Variants in ASCC3 observed in about 807,000 individuals in gnomAD.
The protein encoded by ASCC3 is activating signal cointegrator 1 complex subunit 3, also known as ASC-1 complex subunit P200.
In ASCC3, 158 loss-of-function variants were observed where a neutral mutation model predicts 256.3. That is an observed-to-expected ratio of 0.62 (90% CI 0.54 to 0.70). The LOEUF is 0.70. Among genes scored for constraint, ASCC3 ranks in the 30% least tolerant of loss-of-function variants. ASCC3 has a pLI of 0.00. For missense variants in ASCC3, 2,259 were observed against 2,626.0 expected, an observed-to-expected ratio of 0.86 and a Z score of 3.05; for synonymous variants, 948 against 883.4, an observed-to-expected ratio of 1.07 and a Z score of -1.30.
chr6:100,545,474 C>T (rs576547412), intron 36 of ASCC3, among the ~76,000 whole-genome samples: 2 of 152,302 alleles, frequency 1.3e-5, no homozygotes, highest in South Asian at 4.1e-4. Context: ...CAGCGCTGGC[C>T]ATAAATGGCA....
intron 37 of ASCC3, among the ~76,000 whole-genome samples, chr6:100,532,139 C>T (rs1774907897): frequency 6.6e-6 from 1 of 151,228 alleles, no homozygotes; most frequent in South Asian, 2.1e-4. Context: ...ACAAACAGTC[C>T]ATTTTTAATG....
chr6:100,769,904 C>A (rs1582836653), intron 8 of ASCC3, among the ~76,000 whole-genome samples: 1 of 151,846 alleles, frequency 6.6e-6, no homozygotes, highest in Non-Finnish European at 1.5e-5. Flanking sequence ...AACAAATACA[C>A]AACTTAACCC....
intron 10 of ASCC3, among the ~76,000 whole-genome samples, chr6:100,737,608 T>C (rs1332101396): frequency 6.6e-6 from 1 of 152,182 alleles, no homozygotes; most frequent in Non-Finnish European, 1.5e-5. Context: ...AGATACCACA[T>C]TTTCTTTATC....
At chr6:100,577,284 A>G (rs1449854549) in intron 36 of ASCC3, among the ~76,000 whole-genome samples, 1 of 152,022 alleles carries the variant, frequency 6.6e-6, no homozygotes, top group Admixed American at 6.6e-5. Flanking sequence ...TGTCAACTGA[A>G]GTAATAAATC....
intron 36 of ASCC3, among the ~76,000 whole-genome samples, chr6:100,583,892 C>G (rs1359435225): frequency 2.6e-5 from 4 of 152,094 alleles, no homozygotes; most frequent in Non-Finnish European, 5.9e-5. Flanking sequence ...TGTAGTTGAG[C>G]AGTTTTCAGT....
intron 26 of ASCC3, among the ~76,000 whole-genome samples, chr6:100,630,915 C>A (rs771251920): frequency 1.3e-5 from 2 of 152,068 alleles, no homozygotes; most frequent in East Asian, 3.9e-4. Flanking sequence ...ATTTCATTTT[C>A]AATCTTAAAA....
intron 39 of ASCC3, among the ~76,000 whole-genome samples, chr6:100,513,403 G>T (rs1773873898): frequency 6.6e-6 from 1 of 152,146 alleles, no homozygotes; most frequent in African/African-American, 2.4e-5. Context: ...TTGTTTTAGA[G>T]AAGCATCTAT....
chr6:100,683,550 C>T (rs1362471673), intron 13 of ASCC3, among the ~76,000 whole-genome samples: 2 of 151,894 alleles, frequency 1.3e-5, no homozygotes, highest in Non-Finnish European at 2.9e-5. Flanking sequence ...TTATGGTTTG[C>T]TAATTTGGTT....
At chr6:100,558,921 ACTTAGGG>A (rs1418768545) in intron 36 of ASCC3, among the ~76,000 whole-genome samples, 1 of 152,194 alleles carries the variant, frequency 6.6e-6, no homozygotes, top group South Asian at 2.1e-4. Flanking sequence ...TTTGAATTCT[ACTTAGGG>A]CTTTTAAAAA....
At chr6:100,575,398 G>T (rs1054211604) in intron 36 of ASCC3, among the ~76,000 whole-genome samples, 4 of 151,878 alleles carry the variant, frequency 2.6e-5, no homozygotes, top group African/African-American at 9.7e-5. Flanking sequence ...CCTCAAACAC[G>T]ATAAAATTCA....
intron 16 of ASCC3, among the ~76,000 whole-genome samples, chr6:100,656,872 T>C (rs1437768332): frequency 1.3e-5 from 2 of 150,972 alleles, no homozygotes; most frequent in African/African-American, 4.8e-5. Context: ...AAATTGTTTT[T>C]AACCTCCTAA....
intron 4 of ASCC3, among the ~76,000 whole-genome samples, chr6:100,845,518 C>T (rs12661872): frequency 6.6e-6 from 1 of 152,070 alleles, no homozygotes; most frequent in Non-Finnish European, 1.5e-5. Flanking sequence ...CTTTTCAGTT[C>T]TTAGGGCTTC....
chr6:100,814,304 T>G (rs1250402863), intron 4 of ASCC3, among the ~76,000 whole-genome samples: 3 of 152,222 alleles, frequency 2.0e-5, no homozygotes, highest in African/African-American at 7.2e-5. Context: ...TTGGTTATGA[T>G]GGATACATTT....
intron 8 of ASCC3, among the ~76,000 whole-genome samples, chr6:100,784,748 CA>C (rs1450166519): frequency 6.6e-6 from 1 of 151,930 alleles, no homozygotes; most frequent in Non-Finnish European, 1.5e-5. Context: ...GTAGATGTTA[CA>C]TTTTTAATAT....
At chr6:100,609,214 A>C (rs766671443) in intron 30 of ASCC3, among the ~76,000 whole-genome samples, 94 of 151,782 alleles carry the variant, frequency 6.2e-4, no homozygotes, top group African/African-American at 1.9e-3. Context: ...CCATTTCTTC[A>C]ACTTCTGTTA....
chr6:100,603,548 A>T (rs1312257535), intron 33 of ASCC3, among the ~76,000 whole-genome samples: 1 of 152,104 alleles, frequency 6.6e-6, no homozygotes, highest in Non-Finnish European at 1.5e-5. Flanking sequence ...GAAAGCTTTC[A>T]ATATCTTCTT....
chr6:100,689,869 T>C (rs1303284872), intron 13 of ASCC3, among the ~76,000 whole-genome samples: 1 of 152,138 alleles, frequency 6.6e-6, no homozygotes, highest in East Asian at 1.9e-4. Context: ...AATACATGTA[T>C]GCGTATTTTA....
At chr6:100,573,106 T>G (rs1409925466) in intron 36 of ASCC3, among the ~76,000 whole-genome samples, 1 of 152,132 alleles carries the variant, frequency 6.6e-6, no homozygotes, top group Non-Finnish European at 1.5e-5. Flanking sequence ...TTGGATTGAA[T>G]GTTGGCATGC....
At chr6:100,684,454 C>T in intron 13 of ASCC3, among the ~76,000 whole-genome samples, 1 of 152,178 alleles carries the variant, frequency 6.6e-6, no homozygotes, top group Non-Finnish European at 1.5e-5. Context: ...AGCCACGAAA[C>T]TGCATTTCTA....
Sources: allele counts gnomAD v4.1 joint callset (sites outside exome capture counted in the v4.1 genomes callset), GRCh38; gene constraint gnomAD v4.1.1; transcripts MANE v1.5; gene names NCBI Gene and HGNC (gene_info 2026-07-23, HGNC 2026-07-21).